Variants in KIRREL3 observed in about 807,000 individuals in gnomAD.
KIRREL3 encodes the protein kirre like nephrin family adhesion molecule 3.
In KIRREL3, 36 loss-of-function variants were observed where a neutral mutation model predicts 89.7. The observed-to-expected ratio is 0.40, with a 90% CI of 0.31 to 0.53. The LOEUF is 0.53. Ranked by LOEUF, KIRREL3 falls within the 20% of genes least tolerant of loss-of-function variation. The probability of loss-of-function intolerance (pLI) is 0.49; values close to 1 mark genes in which losing one functional copy is unlikely to be tolerated. For missense variants in KIRREL3, 864 were observed against 1,056.6 expected (o/e 0.82, Z 2.53); for synonymous variants, 445 against 441.4 (o/e 1.01, Z -0.10).
At position 126,684,101 on chromosome 11, in the gene KIRREL3, CT is replaced by C. The variant is rs1264041944; in HGVS notation, c.56-121190del. Among the ~76,000 whole-genome samples the C allele has an allele frequency of 6.6e-6, 1 of 152,206 alleles. No individual in the cohort carries two copies. Among genetic ancestry groups the C allele is most frequent in the African/African-American group, 2.4e-5 (1 of 41,462 alleles). On this transcript the variant is annotated intron_variant, in intron 1 of 16. Transcript: ENST00000525144. The surrounding 1 kb of genome is among the most constrained non-coding windows in gnomAD (Gnocchi z 4.2). ...TGCCACCTGCTCAGTGGGATGGCAT[CT>C]TGGGGGAGCACCTTGGGCAGGGCTG...
chr11:126,759,703 T>C (rs1015548219), intron 1 of KIRREL3, among the ~76,000 whole-genome samples: 20 of 152,234 alleles, frequency 1.3e-4, no homozygotes, highest in African/African-American at 4.6e-4. Context: ...TAAAGAAGCC[T>C]GCTTATGAGC....
rs1052826836 is a variant in KIRREL3, at chr11:126,551,355, C to G, written c.133+11480G>C. Among the ~76,000 whole-genome samples, 2 of 152,014 alleles carry G rather than the reference C, an allele frequency of 1.3e-5. No individual in the cohort carries two copies. The highest frequency in any genetic ancestry group is 2.9e-5 in the Non-Finnish European group (2 of 68,000). On this transcript the variant is annotated intron_variant, in intron 2 of 16. Coordinates refer to ENST00000525144, the MANE Select transcript of KIRREL3 (RefSeq NM_032531.4). The surrounding 1 kb of genome is among the most constrained non-coding windows in gnomAD (Gnocchi z 4.9). ...GCGATGGGGCAGGGGAAAGGAGGGC[C>G]GGAGAGAGATCCTGTTTCCCGAGGC...
In KIRREL3 at chr11:126,520,872, G is replaced by A. The variant is rs1002483983; in HGVS notation, c.433+443C>T. ...GGATACTAGAATCATGGGGAGAATC[G>A]GGCTGATTCTACAGAGAAGGTGGAA... On this transcript the variant is annotated intron_variant, in intron 4 of 16. Transcript: ENST00000525144. This position sits in a 1 kb window ranked among gnomAD's most constrained non-coding sequence, Gnocchi z 4.9. Among the ~76,000 whole-genome samples, 7 of 152,262 alleles carry A rather than the reference G, an allele frequency of 4.6e-5. No individual in the cohort carries two copies. Among genetic ancestry groups the A allele is most frequent in the Non-Finnish European group, 7.4e-5 (5 of 68,016 alleles).
intron 4 of KIRREL3, among the ~76,000 whole-genome samples, chr11:126,494,071 G>A (rs1484248783): frequency 6.6e-6 from 1 of 152,166 alleles, no homozygotes; most frequent in Non-Finnish European, 1.5e-5. Context: ...AAATATCCAC[G>A]ATGAGGAAAA....
rs114350269 is a variant in KIRREL3 at position 126,688,820 on chromosome 11, G to T, written c.56-125908C>A. ...CTCTGTCAGTTCTAAAAGACTGAGA[G>T]ATGACATGATAGCTGTCACAAGAAA... On this transcript the variant is annotated intron_variant, in intron 1 of 16. Transcript: ENST00000525144. Among the ~76,000 whole-genome samples, 822 of 152,304 alleles carry T rather than the reference G, an allele frequency of 5.4e-3. 10 individuals are homozygous for T. Among genetic ancestry groups the T allele is most frequent in the African/African-American group, 0.018 (753 of 41,554 alleles).
At position 126,709,437 on chromosome 11, in the gene KIRREL3, C is replaced by G. The variant is rs1947670009; in HGVS notation, c.56-146525G>C. Reference sequence around the variant, plus strand: ...AACTGGCTAAAGTACAGGCAAACACCTGCTAATGAGTGGTGGTGGCAGTGG... The same window carrying G: ...AACTGGCTAAAGTACAGGCAAACACGTGCTAATGAGTGGTGGTGGCAGTGG... On this transcript the variant is annotated intron_variant, in intron 1 of 16. Transcript: ENST00000525144. This position sits in a 1 kb window ranked among gnomAD's most constrained non-coding sequence, Gnocchi z 4.0. Among the ~76,000 whole-genome samples, 1 of 152,228 alleles carries G rather than the reference C, an allele frequency of 6.6e-6. No individual in the cohort carries two copies. The highest frequency in any genetic ancestry group is 1.5e-5 in the Non-Finnish European group (1 of 68,036).
At chr11:126,529,856 T>C (rs1179758660) in intron 2 of KIRREL3, among the ~76,000 whole-genome samples, 1 of 118,908 alleles carries the variant, frequency 8.4e-6, no homozygotes, top group East Asian at 2.0e-4. Context: ...TTTAAACCAA[T>C]GAGTTTTTTT....
chr11:126,936,973 G>A (rs867713959), intron 1 of KIRREL3: 7 of 152,200 alleles, frequency 4.6e-5, no homozygotes, highest in African/African-American at 1.4e-4. Flanking sequence ...GAGGGTACAC[G>A]AATGCAGAGG....
chr11:126,751,552 T>A (rs1949336166), intron 1 of KIRREL3, among the ~76,000 whole-genome samples: 1 of 152,178 alleles, frequency 6.6e-6, no homozygotes, highest in Non-Finnish European at 1.5e-5. Flanking sequence ...AGAGTTACGA[T>A]GATTTTGGAA....
At chr11:126,638,970 G>A (rs1412131675) in intron 1 of KIRREL3, among the ~76,000 whole-genome samples, 3 of 152,100 alleles carry the variant, frequency 2.0e-5, no homozygotes, top group African/African-American at 7.2e-5. Flanking sequence ...CCGGGGGCTG[G>A]ACAGTACACT....
At position 126,641,904 on chromosome 11, in the gene KIRREL3, C is replaced by T. The variant is rs1944486722; in HGVS notation, c.56-78992G>A. On this transcript the variant is annotated intron_variant, in intron 1 of 16. Transcript: ENST00000525144. The surrounding 1 kb of genome is among the most constrained non-coding windows in gnomAD (Gnocchi z 5.0). Reference sequence around the variant, plus strand: ...CACATCCTCAACTTCCACTCTTTCTCAGGTCAGGAACGTGTCAATTCTGCA... The same window carrying T: ...CACATCCTCAACTTCCACTCTTTCTTAGGTCAGGAACGTGTCAATTCTGCA... Among the ~76,000 whole-genome samples, 1 of 152,192 alleles carries T rather than the reference C, an allele frequency of 6.6e-6. No individual in the cohort carries two copies. Among genetic ancestry groups the T allele is most frequent in the Non-Finnish European group, 1.5e-5 (1 of 68,036 alleles).
chr11:126,837,563 C>T lies in KIRREL3; in HGVS notation c.55+162892G>A, dbSNP rs1274709563. ...AGATTTAAAAGAACTCCTCTTCCCACCTCTTCCAATCCTCGCTACATCCAG... is the reference window on the plus strand; with the variant it reads ...AGATTTAAAAGAACTCCTCTTCCCATCTCTTCCAATCCTCGCTACATCCAG... On this transcript the variant is annotated intron_variant, in intron 1 of 16. Transcript: ENST00000525144. This position sits in a 1 kb window ranked among gnomAD's most constrained non-coding sequence, Gnocchi z 4.7. Among the ~76,000 whole-genome samples, 1 of 152,140 alleles carries T rather than the reference C, an allele frequency of 6.6e-6. No individual in the cohort carries two copies. Among genetic ancestry groups the T allele is most frequent in the Non-Finnish European group, 1.5e-5 (1 of 68,030 alleles).
intron 1 of KIRREL3, among the ~76,000 whole-genome samples, chr11:126,759,867 C>T (rs935632256): frequency 6.6e-6 from 1 of 152,082 alleles, no homozygotes; most frequent in African/African-American, 2.4e-5. Flanking sequence ...ATAAGAGACA[C>T]GTCAGAGAGG....
rs1950292254 is a variant in KIRREL3, at chr11:126,780,357, C to T, written c.56-217445G>A. On this transcript the variant is annotated intron_variant, in intron 1 of 16. Coordinates refer to ENST00000525144, the MANE Select transcript of KIRREL3 (RefSeq NM_032531.4). The surrounding 1 kb of genome is among the most constrained non-coding windows in gnomAD (Gnocchi z 5.3). ...CTGAATGTAATTAATGACATTGTGGCTTTAAATAAAAACCAGCTATTCGTG... is the reference window on the plus strand; with the variant it reads ...CTGAATGTAATTAATGACATTGTGGTTTTAAATAAAAACCAGCTATTCGTG... 6.6e-6 allele frequency among the ~76,000 whole-genome samples: 1 copy of T among 152,120 alleles called. No homozygotes were observed. Among genetic ancestry groups the T allele is most frequent in the South Asian group, 2.1e-4 (1 of 4,822 alleles).
In KIRREL3 at chr11:126,853,343, G is replaced by T. The variant is rs576209403; in HGVS notation, c.55+147112C>A. 3.0e-4 allele frequency among the ~76,000 whole-genome samples: 45 copies of T among 152,148 alleles called. 1 individual carries two copies. The highest frequency in any genetic ancestry group is 8.8e-5 in the Non-Finnish European group (6 of 68,030). On this transcript the variant is annotated intron_variant, in intron 1 of 16. Transcript: ENST00000525144. ...TGGAATTTTATCGATTCTATGAACT[G>T]CCATGGAGTTATCTTGTGGCCATAA... is the stretch of plus-strand genomic sequence containing the variant.
intron 1 of KIRREL3, among the ~76,000 whole-genome samples, chr11:126,921,289 G>A (rs1038440093): frequency 5.9e-5 from 9 of 152,148 alleles, no homozygotes; most frequent in Non-Finnish European, 1.0e-4. Context: ...CCACATTGCC[G>A]GCTATCCTGG....
At chr11:126,832,741 G>T (rs1317147976) in intron 1 of KIRREL3, among the ~76,000 whole-genome samples, 1 of 152,208 alleles carries the variant, frequency 6.6e-6, no homozygotes, top group Non-Finnish European at 1.5e-5. Context: ...GAAAGGGTCA[G>T]TGTGGCTCAG....
intron 2 of KIRREL3, among the ~76,000 whole-genome samples, chr11:126,554,314 C>T (rs995016750): frequency 9.2e-5 from 14 of 152,074 alleles, no homozygotes; most frequent in Non-Finnish European, 7.4e-5. Flanking sequence ...TTCTCTAGTC[C>T]GAAGTCCTAG....
intron 1 of KIRREL3, among the ~76,000 whole-genome samples, chr11:126,706,914 C>T (rs193027252): frequency 6.7e-6 from 1 of 149,820 alleles, no homozygotes; most frequent in Admixed American, 6.6e-5. Context: ...TTGTGCTATA[C>T]ATTTTTTTCC....
Sources: gnomAD v4.1 joint callset for allele counts (sites outside exome capture counted in the v4.1 genomes callset) on GRCh38, gnomAD v4.1.1 for gene constraint, Gnocchi (gnomAD v3.1) non-coding constraint, MANE v1.5 for transcripts, NCBI Gene and HGNC (gene_info 2026-07-23, HGNC 2026-07-21) for gene names.